The following RTF2 variants were observed in gnomAD, a reference collection of about 807,000 sequenced individuals.
The protein encoded by RTF2 is replication termination factor 2.
In RTF2, 18 loss-of-function variants were observed where a neutral mutation model predicts 38.0. The observed-to-expected ratio is 0.47, with a 90% CI of 0.33 to 0.70. The LOEUF is 0.70. Ranked by LOEUF, RTF2 falls within the 30% of genes least tolerant of loss-of-function variation. RTF2 has a pLI of 0.02. For missense variants in RTF2, 311 were observed against 379.6 expected (o/e 0.82, Z 1.50); for synonymous variants, 126 against 137.1 (o/e 0.92, Z 0.57).
At chr20:56,479,191 C>G (rs1440554222) in intron 4 of RTF2, among the ~76,000 whole-genome samples, 1 of 152,122 alleles carries the variant, frequency 6.6e-6, no homozygotes, top group Non-Finnish European at 1.5e-5. Flanking sequence ...ATTCTGCCCT[C>G]CTCTCATGAA....
intron 5 of RTF2, among the ~76,000 whole-genome samples, chr20:56,507,336 G>A (rs1468071300): frequency 6.6e-6 from 1 of 152,114 alleles, no homozygotes; most frequent in African/African-American, 2.4e-5. Context: ...TACCCAGAAC[G>A]AGTGATGGGG....
intron 4 of RTF2, among the ~76,000 whole-genome samples, chr20:56,478,071 C>T (rs1232531808): frequency 6.6e-6 from 1 of 152,162 alleles, no homozygotes; most frequent in Non-Finnish European, 1.5e-5. Context: ...TAAGCCCTTT[C>T]CCCCACTTTT....
chr20:56,486,704 C>G (rs1982812403), intron 5 of RTF2, among the ~76,000 whole-genome samples: 1 of 151,992 alleles, frequency 6.6e-6, no homozygotes, highest in Non-Finnish European at 1.5e-5. Context: ...TAAGCAGAAA[C>G]AATGGGTAGA....
At chr20:56,507,760 A>G (rs150198366) in intron 5 of RTF2, among the ~76,000 whole-genome samples, 211 of 152,120 alleles carry the variant, frequency 1.4e-3, no homozygotes, top group African/African-American at 4.9e-3. Flanking sequence ...GTTCCTCCCC[A>G]CCCCTGGGCC....
chr20:56,484,741 C>T (rs1227444424), intron 5 of RTF2, among the ~76,000 whole-genome samples: 1 of 152,248 alleles, frequency 6.6e-6, no homozygotes, highest in Non-Finnish European at 1.5e-5. Flanking sequence ...GAGCTAGCCT[C>T]AGCTCACGTG....
intron 4 of RTF2, among the ~76,000 whole-genome samples, chr20:56,478,045 C>T (rs1982345824): frequency 6.6e-6 from 1 of 152,172 alleles, no homozygotes; most frequent in African/African-American, 2.4e-5. Context: ...TAGGATGTCT[C>T]ACTAAGCAAA....
chr20:56,472,125 G>A (rs932447950), intron 1 of RTF2, among the ~76,000 whole-genome samples: 1 of 152,122 alleles, frequency 6.6e-6, no homozygotes, highest in African/African-American at 2.4e-5. Flanking sequence ...GGAGGCTAAG[G>A]GGGAGGATTG....
At chr20:56,483,107 G>T (rs1366714215) in intron 4 of RTF2, among the ~76,000 whole-genome samples, 1 of 152,074 alleles carries the variant, frequency 6.6e-6, no homozygotes, top group Non-Finnish European at 1.5e-5. Flanking sequence ...CCCTACTGAG[G>T]AACATGTAGG....
At chr20:56,497,316 A>T in intron 5 of RTF2, 1 of 1,550,672 alleles carries the variant, frequency 6.4e-7, no homozygotes, top group Non-Finnish European at 8.7e-7. Context: ...GGGTCTGGTT[A>T]TGAAATGCAG....
chr20:56,483,576 A>G, intron 4 of RTF2, among the ~76,000 whole-genome samples: 1 of 151,966 alleles, frequency 6.6e-6, no homozygotes. Context: ...TGATCCTCCC[A>G]TTTTGACCTC....
intron 5 of RTF2, among the ~76,000 whole-genome samples, chr20:56,498,983 T>C (rs1472808578): frequency 1.3e-5 from 2 of 152,176 alleles, no homozygotes; most frequent in Non-Finnish European, 2.9e-5. Flanking sequence ...CAACAAAAAC[T>C]GTTAACATTG....
In RTF2 at chr20:56,484,101, A is replaced by G. The variant is rs372972019; in HGVS notation, c.399-10A>G. 4.3e-6 allele frequency: 7 copies of G among 1,613,402 alleles called. No homozygotes were observed. The South Asian group carries it at 7.7e-5, about 18-fold the overall frequency. Reference sequence around the variant, plus strand: ...AATACAGTCCTTCCCCCACTGGGTTATTTCTCCAGGTTCTGCTTCCTTCGG... The same window carrying G: ...AATACAGTCCTTCCCCCACTGGGTTGTTTCTCCAGGTTCTGCTTCCTTCGG... On this transcript the variant is annotated splice_polypyrimidine_tract_variant and intron_variant, in intron 4 of 8. Transcript: ENST00000357348.
intron 5 of RTF2, among the ~76,000 whole-genome samples, chr20:56,512,712 C>T (rs141316244): frequency 0.013 from 1,975 of 152,200 alleles, 55 homozygotes; most frequent in African/African-American, 0.046. Flanking sequence ...ACTGCAGCAG[C>T]GTGGTATGGA....
intron 6 of RTF2, 133 bp downstream of exon 6, chr20:56,513,561 A>G (rs944873332): frequency 8.7e-7 from 1 of 1,144,350 alleles, no homozygotes; most frequent in African/African-American, 1.5e-5. Flanking sequence ...AAGGGCCTGG[A>G]CTGTAGAAGC....
chr20:56,484,474 C>G (rs1049311612), intron 5 of RTF2, among the ~76,000 whole-genome samples: 5 of 152,208 alleles, frequency 3.3e-5, no homozygotes, highest in African/African-American at 1.2e-4. Context: ...CCCCCATGAG[C>G]CCCCATTCCA....
chr20:56,516,150 G>T (rs138693067), intron 6 of RTF2: 1 of 152,210 alleles, frequency 6.6e-6, no homozygotes, highest in Non-Finnish European at 1.5e-5. Flanking sequence ...GGCCTGAGAG[G>T]TCTTTCTTTA....
chr20:56,477,714 C>G (rs1254479280), intron 4 of RTF2, among the ~76,000 whole-genome samples: 1 of 152,088 alleles, frequency 6.6e-6, no homozygotes, highest in African/African-American at 2.4e-5. Context: ...GATAGGGTCT[C>G]CCTATGTTGC....
chr20:56,480,014 A>G (rs1439348542), intron 4 of RTF2, among the ~76,000 whole-genome samples: 1 of 152,172 alleles, frequency 6.6e-6, no homozygotes, highest in South Asian at 2.1e-4. Context: ...ACTGAAAGTC[A>G]CCAGGCACGT....
intron 4 of RTF2, among the ~76,000 whole-genome samples, chr20:56,479,443 T>C (rs1480405036): frequency 2.6e-5 from 4 of 152,100 alleles, no homozygotes; most frequent in Admixed American, 2.6e-4. Flanking sequence ...CGGGCTGGTC[T>C]CAAACTCCTG....
Sources: gnomAD v4.1 joint callset for allele counts (sites outside exome capture counted in the v4.1 genomes callset) on GRCh38, gnomAD v4.1.1 for gene constraint, MANE v1.5 for transcripts, NCBI Gene and HGNC (gene_info 2026-07-23, HGNC 2026-07-21) for gene names.